PDS5B: variants seen among roughly 807,000 people sequenced by gnomAD.
PDS5B encodes the protein PDS5 cohesin associated factor B.
PDS5B carries 51 observed loss-of-function variants against 184.1 expected under a neutral mutation model. The observed-to-expected ratio is 0.28, with a 90% CI of 0.22 to 0.35. The LOEUF is 0.35. Among genes scored for constraint, PDS5B ranks in the 10% least tolerant of loss-of-function variants. The pLI, the probability that PDS5B is intolerant of heterozygous loss-of-function variation, is 1.00. For missense variants in PDS5B, 1,180 were observed against 1,723.3 expected (o/e 0.68, Z 5.58); for synonymous variants, 566 against 569.2 (o/e 0.99, Z 0.08).
intron 1 of PDS5B, among the ~76,000 whole-genome samples, chr13:32,609,187 T>C (rs2058104658): frequency 6.6e-6 from 1 of 152,340 alleles, no homozygotes; most frequent in Admixed American, 6.5e-5. Flanking sequence ...AATCCTCTCC[T>C]TAAGAGAGGC....
rs995794457 is a variant in PDS5B, at chr13:32,741,088, G to A, written c.2415G>A (p.Gly805=). 6.4e-7 allele frequency: 1 copy of A among 1,556,564 alleles called. No homozygotes were observed. The highest frequency in any genetic ancestry group is 1.8e-5 in the Admixed American group (1 of 55,554). Residue 805 remains glycine (G), a synonymous_variant, in exon 22 of 35, where the codon GGG becomes GGA. Coordinates refer to ENST00000315596, the MANE Select transcript of PDS5B (RefSeq NM_015032.4). ...KDLLMNDRLP[G]KKTTKLWVPD... ...TTCTCGTTTATTTTTAGCTTCCAGGGAAAAAGACAACTAAACTTTGGGTTC... is the reference window on the plus strand; with the variant it reads ...TTCTCGTTTATTTTTAGCTTCCAGGAAAAAAGACAACTAAACTTTGGGTTC...
At chr13:32,745,285 C>T (rs993193363) in intron 23 of PDS5B, among the ~76,000 whole-genome samples, 12 of 152,206 alleles carry the variant, frequency 7.9e-5, no homozygotes, top group Admixed American at 1.3e-4. Flanking sequence ...TATATATAAA[C>T]ATTTCTCCAA....
At chr13:32,760,427 G>T in intron 29 of PDS5B, 148 bp from the exon 30 acceptor site, 1 of 668,276 alleles carries the variant, frequency 1.5e-6, no homozygotes, top group South Asian at 2.1e-5. Flanking sequence ...GTGATATTTA[G>T]TTTATACTTA....
intron 23 of PDS5B, among the ~76,000 whole-genome samples, chr13:32,743,681 T>C (rs1171434513): frequency 6.6e-6 from 1 of 152,164 alleles, no homozygotes; most frequent in African/African-American, 2.4e-5. Flanking sequence ...TTGCTTATAC[T>C]GTATTCTTTG....
At chr13:32,772,918 T>A (rs1954838176) in intron 33 of PDS5B, among the ~76,000 whole-genome samples, 2 of 152,164 alleles carry the variant, frequency 1.3e-5, no homozygotes. Flanking sequence ...AGATGCCTTT[T>A]ACTGTGTTAG....
chr13:32,675,386 T>C (rs1307740761), intron 8 of PDS5B, among the ~76,000 whole-genome samples: 2 of 151,860 alleles, frequency 1.3e-5, no homozygotes, highest in Non-Finnish European at 2.9e-5. Flanking sequence ...TGAAGTGTCT[T>C]ACTGGGAGAC....
At chr13:32,723,621 G>A (rs1952795460) in intron 19 of PDS5B, among the ~76,000 whole-genome samples, 1 of 152,032 alleles carries the variant, frequency 6.6e-6, no homozygotes, top group Admixed American at 6.6e-5. Flanking sequence ...TGAGCTAAAG[G>A]TTTCACATAA....
At chr13:32,695,519 C>A (rs1951675809) in intron 14 of PDS5B, among the ~76,000 whole-genome samples, 1 of 151,852 alleles carries the variant, frequency 6.6e-6, no homozygotes, top group African/African-American at 2.4e-5. Flanking sequence ...TGTATATTTA[C>A]CTCCTTCTGG....
chr13:32,674,290 C>G (rs997923180), intron 8 of PDS5B, among the ~76,000 whole-genome samples: 3 of 152,076 alleles, frequency 2.0e-5, no homozygotes, highest in African/African-American at 7.2e-5. Context: ...ATGTTTGTGT[C>G]TAAAATTTTT....
chr13:32,603,757 C>T (rs1049919058), intron 1 of PDS5B, among the ~76,000 whole-genome samples: 6 of 152,168 alleles, frequency 3.9e-5, no homozygotes, highest in East Asian at 1.9e-4. Flanking sequence ...TCTTTTATTT[C>T]GTTGAGCAGT....
intron 3 of PDS5B, chr13:32,652,352 A>G (rs1950387089): frequency 5.2e-6 from 1 of 192,450 alleles, no homozygotes. Flanking sequence ...TAGTATAAAC[A>G]TGAGTTTATA....
In PDS5B at chr13:32,597,136, C is replaced by T. The variant is rs140963825; in HGVS notation, c.-20+10543C>T. ...GCAGCCTGGAACTTTTGGGCTCAAG[C>T]CACCCTCCTATCTCAGCCTCCTGAG... On this transcript the variant is annotated intron_variant, in intron 1 of 34. Transcript: ENST00000315596. Among the ~76,000 whole-genome samples the T allele has an allele frequency of 1.8e-4, 27 of 152,060 alleles. 1 individual carries two copies. The highest frequency in any genetic ancestry group is 6.3e-4 in the African/African-American group (26 of 41,424).
intron 13 of PDS5B, 66 bp downstream of exon 13, chr13:32,688,635 A>G: frequency 1.1e-6 from 1 of 897,830 alleles, no homozygotes; most frequent in South Asian, 1.3e-5. Context: ...TATGGAAAAG[A>G]AACTACAAAC....
At chr13:32,694,867 G>C (rs1951658864) in intron 14 of PDS5B, among the ~76,000 whole-genome samples, 1 of 148,412 alleles carries the variant, frequency 6.7e-6, no homozygotes, top group Non-Finnish European at 1.5e-5. Flanking sequence ...TCATTGAAAT[G>C]CTGTATGTAG....
chr13:32,647,735 C>T (rs1950263966), intron 1 of PDS5B, among the ~76,000 whole-genome samples: 1 of 151,746 alleles, frequency 6.6e-6, no homozygotes, highest in East Asian at 1.9e-4. Flanking sequence ...TTGGAATTGT[C>T]TTTTATTTCT....
chr13:32,692,787 G>A lies in PDS5B; in HGVS notation c.1470-1436G>A, dbSNP rs544675027. On this transcript the variant is annotated intron_variant, in intron 13 of 34. Transcript: ENST00000315596. ...CTTTTTTAGAGAATTATTTATAAAG[G>A]CAATAAACAGGCACAGATTGCCTTG... 4.0e-5 allele frequency among the ~76,000 whole-genome samples: 6 copies of A among 151,802 alleles called. No individual in the cohort carries two copies. The East Asian group carries it at 9.7e-4, about 24-fold the overall frequency.
chr13:32,754,750 T>G (rs1216280496), intron 25 of PDS5B, among the ~76,000 whole-genome samples: 2 of 152,160 alleles, frequency 1.3e-5, no homozygotes, highest in Non-Finnish European at 2.9e-5. Flanking sequence ...GTTGTGAGAA[T>G]TTAAAAAATT....
intron 17 of PDS5B, among the ~76,000 whole-genome samples, chr13:32,705,240 G>A (rs555917211): frequency 3.3e-5 from 5 of 152,270 alleles, no homozygotes; most frequent in African/African-American, 1.2e-4. Context: ...GGAAGAAAAT[G>A]AGTTTACTTT....
chr13:32,587,049 T>A (rs1196580689), intron 1 of PDS5B, among the ~76,000 whole-genome samples: 2 of 142,596 alleles, frequency 1.4e-5, no homozygotes, highest in African/African-American at 2.5e-5. Flanking sequence ...GGCCGGCGGC[T>A]GTTTCCCGGG....
Sources: gnomAD v4.1 joint callset for allele counts (sites outside exome capture counted in the v4.1 genomes callset) on GRCh38, gnomAD v4.1.1 for gene constraint, MANE v1.5 for transcripts, NCBI Gene and HGNC (gene_info 2026-07-23, HGNC 2026-07-21) for gene names.